Variants in ARHGEF26 observed in about 807,000 individuals in gnomAD.
The protein encoded by ARHGEF26 is Rho guanine nucleotide exchange factor (GEF) 26.
A neutral mutation model predicts 89.4 loss-of-function variants in ARHGEF26; 59 were observed. That is an observed-to-expected ratio of 0.66 (90% CI 0.54 to 0.82). The LOEUF is 0.82. ARHGEF26 is among the 40% of genes least tolerant of loss of function. The pLI is 0.00. For synonymous variants in ARHGEF26, 500 were observed against 428.4 expected, an observed-to-expected ratio of 1.17 and a Z score of -2.06; for missense variants, 1,234 against 1,085.6, an observed-to-expected ratio of 1.14 and a Z score of -1.92.
At position 154,121,998 on chromosome 3, in the gene ARHGEF26, C is replaced by CGGCGAGAGCGAGGTGGATTTTTCT; in HGVS notation, c.7_30dup (p.Gly3_Ser10dup). On this transcript the variant is annotated inframe_insertion, in exon 2 of 15. Coordinates refer to ENST00000465093, the MANE Select transcript of ARHGEF26 (RefSeq NM_015595.4). ...GCTGACTTCGAGGCCCGGCTATGGA[C>CGGCGAGAGCGAGGTGGATTTTTCT]GGCGAGAGCGAGGTGGATTTTTCTA... 6.3e-7 allele frequency: 1 copy of CGGCGAGAGCGAGGTGGATTTTTCT among 1,589,720 alleles called. No individual in the cohort carries two copies. Among genetic ancestry groups the CGGCGAGAGCGAGGTGGATTTTTCT allele is most frequent in the Non-Finnish European group, 8.6e-7 (1 of 1,161,894 alleles).
chr3:154,122,880 T>A lies in ARHGEF26; in HGVS notation c.888T>A (p.Ser296Arg), dbSNP rs2108030961. The A allele has an allele frequency of 1.2e-6, 2 of 1,612,132 alleles. No homozygotes were observed. The highest frequency in any genetic ancestry group is 1.1e-5 in the South Asian group (1 of 90,698). The change falls in exon 2 of 15, where the codon AGT (serine) becomes AGA (arginine). Residue 296 changes from serine (S) to arginine (R), a missense_variant. By Grantham distance (110) the Ser-to-Arg change is moderately radical. Transcript: ENST00000465093. The stretch of plus-strand genomic sequence containing the variant: ...CCCTGGGTCACGCAGGGGAGGAGAG[T>A]GAGGTCGATAACGACGTGGATAGCC... The part of the protein sequence containing the change: ...GGPLGHAGEE[S>R]EVDNDVDSPG...
At position 154,255,561 on chromosome 3, in the gene ARHGEF26, C is replaced by T. The variant is rs541514714; in HGVS notation, c.*88C>T. ...GGGCTAGTTTTATTGTTAATTTTGT[C>T]ACAGCCTATTTAATTAAAAGAACGA... On this transcript the variant is annotated 3_prime_UTR_variant, in exon 15 of 15. Coordinates refer to ENST00000465093, the MANE Select transcript of ARHGEF26 (RefSeq NM_015595.4). 4.3e-5 allele frequency: 64 copies of T among 1,504,548 alleles called. No homozygotes were observed. The African/African-American group carries it at 8.0e-4, about 19-fold the overall frequency. 93.2% of individuals were successfully genotyped at this position (1,504,548 alleles called of 1,614,324 possible). A position where few individuals can be genotyped will look rare whatever the true frequency, so the allele number is the denominator to read the frequency against.
chr3:154,124,372 C>CTTTTTTTTTTTTGTTTTTTTTTTTT, intron 2 of ARHGEF26, 38 bp from the exon 3 acceptor site: 1 of 1,007,768 alleles, frequency 9.9e-7, no homozygotes, highest in South Asian at 1.9e-5. Flanking sequence ...TTTGCTTTTC[C>CTTTTTTTTTTTTGTTTTTTTTTTTT]TTTTTTTTTT....
At chr3:154,233,885 C>G (rs531163915) in intron 11 of ARHGEF26, among the ~76,000 whole-genome samples, 76 of 152,240 alleles carry the variant, frequency 5.0e-4, no homozygotes, top group Non-Finnish European at 9.0e-4. Context: ...CCAGCACATT[C>G]TAGTAAATAT....
chr3:154,247,287 A>G (rs868723612), intron 12 of ARHGEF26, among the ~76,000 whole-genome samples: 1 of 152,126 alleles, frequency 6.6e-6, no homozygotes, highest in Non-Finnish European at 1.5e-5. Context: ...AAATGGTACT[A>G]TTGACACTCT....
chr3:154,136,158 T>G (rs1404150195), intron 4 of ARHGEF26, among the ~76,000 whole-genome samples: 1 of 152,230 alleles, frequency 6.6e-6, no homozygotes, highest in South Asian at 2.1e-4. Context: ...TTGGAATGTT[T>G]CTTCAGTTTG....
rs558495824 is a variant in ARHGEF26, at chr3:154,127,924, C to T, written c.1124-1650C>T. Among the ~76,000 whole-genome samples, 7 of 152,222 alleles carry T rather than the reference C, an allele frequency of 4.6e-5. No homozygotes were observed. The South Asian group carries it at 1.5e-3, about 32-fold the overall frequency. On this transcript the variant is annotated intron_variant, in intron 3 of 14. Coordinates refer to ENST00000465093, the MANE Select transcript of ARHGEF26 (RefSeq NM_015595.4). The stretch of plus-strand genomic sequence containing the variant: ...TTGATCAAAACAATATTATGCAATG[C>T]GTGACTGTATTATGTTTCCTCTTAT...
At chr3:154,133,428 G>A (rs1464784147) in intron 4 of ARHGEF26, among the ~76,000 whole-genome samples, 1 of 151,892 alleles carries the variant, frequency 6.6e-6, no homozygotes, top group Non-Finnish European at 1.5e-5. Context: ...ATAGAATAAT[G>A]AGCCACAGAC....
At chr3:154,124,857 A>G (rs893452347) in intron 3 of ARHGEF26, among the ~76,000 whole-genome samples, 1 of 152,092 alleles carries the variant, frequency 6.6e-6, no homozygotes, top group Non-Finnish European at 1.5e-5. Context: ...ACATTTGATT[A>G]TCATTTCTGA....
chr3:154,173,253 C>G (rs985072179), intron 6 of ARHGEF26, among the ~76,000 whole-genome samples: 2 of 150,990 alleles, frequency 1.3e-5, no homozygotes, highest in Admixed American at 6.6e-5. Context: ...ATGTTACTGC[C>G]TTGGATTTTT....
intron 7 of ARHGEF26, among the ~76,000 whole-genome samples, chr3:154,188,307 CACTTG>C (rs1559886516): frequency 6.6e-6 from 1 of 152,170 alleles, no homozygotes. Flanking sequence ...TTATTCCCCC[CACTTG>C]GGTAGTTAGA....
Position 154,209,792 on chromosome 3 carries a change from T to A in ARHGEF26, c.1846-8077T>A, listed in dbSNP as rs114718927. On this transcript the variant is annotated intron_variant, in intron 9 of 14. Transcript: ENST00000465093. ...TACTCAAGGCCCTTAGGCTCTACAG[T>A]CAGTCGACGGCAAAGCCAGCCAGGC... Among the ~76,000 whole-genome samples, 545 of 152,290 alleles carry A rather than the reference T, an allele frequency of 3.6e-3. 5 individuals carry two copies. The highest frequency in any genetic ancestry group is 0.013 in the African/African-American group (520 of 41,554).
At chr3:154,156,601 A>G (rs1269110878) in intron 6 of ARHGEF26, among the ~76,000 whole-genome samples, 1 of 152,188 alleles carries the variant, frequency 6.6e-6, no homozygotes, top group Non-Finnish European at 1.5e-5. Context: ...TTACATTACA[A>G]AAGTGTTTTT....
Position 154,121,922 on chromosome 3 carries a change from C to T in ARHGEF26, c.-51-20C>T, listed in dbSNP as rs1717950771. ...CCCGGTTGTCCAGAGGCACAGTTTCCTAACTTCTTTCCTCTTTAGGCAAGA... is the reference window on the plus strand; with the variant it reads ...CCCGGTTGTCCAGAGGCACAGTTTCTTAACTTCTTTCCTCTTTAGGCAAGA... On this transcript the variant is annotated intron_variant, in intron 1 of 14. Transcript: ENST00000465093. 3 of 1,510,948 alleles carry T rather than the reference C, an allele frequency of 2.0e-6. No individual in the cohort carries two copies. The highest frequency in any genetic ancestry group is 2.7e-5 in the South Asian group (2 of 74,458). 93.6% of individuals were successfully genotyped at this position (1,510,948 alleles called of 1,614,324 possible).
intron 7 of ARHGEF26, among the ~76,000 whole-genome samples, chr3:154,188,759 G>T (rs559874236): frequency 6.6e-6 from 1 of 152,314 alleles, no homozygotes; most frequent in South Asian, 2.1e-4. Context: ...TGGAGAAATA[G>T]TCAAAGCCTC....
At chr3:154,194,767 A>G in intron 9 of ARHGEF26, 49 bp downstream of exon 9, 1 of 1,490,328 alleles carries the variant, frequency 6.7e-7, no homozygotes, top group Non-Finnish European at 9.3e-7. Flanking sequence ...CCATTCAGTT[A>G]GCTCAGACAC....
At chr3:154,255,154 C>T (rs1239034931) in intron 14 of ARHGEF26, among the ~76,000 whole-genome samples, 177 bp from the exon 15 acceptor site, 1 of 152,078 alleles carries the variant, frequency 6.6e-6, no homozygotes, top group Non-Finnish European at 1.5e-5. Context: ...CCTCTGCTCA[C>T]GTTCTTTCCC....
intron 9 of ARHGEF26, among the ~76,000 whole-genome samples, chr3:154,201,764 G>A (rs1370009618): frequency 6.6e-6 from 1 of 152,168 alleles, no homozygotes. Context: ...GTGATGATGA[G>A]CATTTTTTCA....
intron 6 of ARHGEF26, among the ~76,000 whole-genome samples, chr3:154,159,370 C>T (rs1238497757): frequency 6.6e-6 from 1 of 152,050 alleles, no homozygotes; most frequent in East Asian, 1.9e-4. Flanking sequence ...TCAATTTCTG[C>T]AGAGTAAAGT....
Sources: allele counts gnomAD v4.1 joint callset (sites outside exome capture counted in the v4.1 genomes callset), GRCh38; gene constraint gnomAD v4.1.1; transcripts MANE v1.5; gene names NCBI Gene and HGNC (gene_info 2026-07-23, HGNC 2026-07-21).